Variants in NRXN3 observed in about 807,000 individuals in gnomAD.
NRXN3 encodes the protein neurexin III.
NRXN3 carries 32 observed loss-of-function variants against 137.6 expected under a neutral mutation model. The observed-to-expected ratio is 0.23, with a 90% confidence interval of 0.18 to 0.31. The LOEUF (loss-of-function observed/expected upper bound fraction) is 0.31. Ranked by LOEUF, NRXN3 falls within the 10% of genes least tolerant of loss-of-function variation. The pLI is 1.00. For synonymous variants in NRXN3, 798 were observed against 784.5 expected, an observed-to-expected ratio of 1.02 and a Z score of -0.29; for missense variants, 1,574 against 2,062.5, an observed-to-expected ratio of 0.76 and a Z score of 4.59.
At chr14:79,129,062 C>T (rs2057024911) in intron 15 of NRXN3, among the ~76,000 whole-genome samples, 2 of 152,242 alleles carry the variant, frequency 1.3e-5, no homozygotes, top group East Asian at 3.9e-4. Context: ...TTTGATTCTT[C>T]TCTCTTTTTT....
At chr14:79,056,540 G>C (rs1161138240) in intron 15 of NRXN3, among the ~76,000 whole-genome samples, 1 of 152,122 alleles carries the variant, frequency 6.6e-6, no homozygotes, top group East Asian at 1.9e-4. Context: ...TCCTGTCCGG[G>C]GTTCAGAGGA....
intron 19 of NRXN3, among the ~76,000 whole-genome samples, chr14:79,781,602 G>T (rs988474923): frequency 3.3e-5 from 5 of 152,208 alleles, no homozygotes; most frequent in Non-Finnish European, 5.9e-5. Flanking sequence ...GAAAGAACTT[G>T]ATCCTGTTTT....
At chr14:79,132,662 GTCT>G (rs2057706502) in intron 15 of NRXN3, among the ~76,000 whole-genome samples, 1 of 152,072 alleles carries the variant, frequency 6.6e-6, no homozygotes, top group East Asian at 1.9e-4. Context: ...ACTTTATTTG[GTCT>G]TCATCATATT....
intron 15 of NRXN3, among the ~76,000 whole-genome samples, chr14:79,371,751 T>C (rs769994660): frequency 1.2e-4 from 18 of 152,128 alleles, no homozygotes; most frequent in South Asian, 2.1e-4. Flanking sequence ...GGAAAATTCT[T>C]ATGCACCTTC....
chr14:79,080,947 T>C (rs115120918), intron 15 of NRXN3, among the ~76,000 whole-genome samples: 2 of 152,272 alleles, frequency 1.3e-5, no homozygotes, highest in African/African-American at 4.8e-5. Flanking sequence ...TTTATCTTCT[T>C]ATCCCTCCCC....
At chr14:78,880,165 G>A (rs1228106184) in intron 10 of NRXN3, among the ~76,000 whole-genome samples, 3 of 145,838 alleles carry the variant, frequency 2.1e-5, no homozygotes, top group Admixed American at 6.7e-5. Context: ...GCATGAACCC[G>A]GGAGGCGGAG....
chr14:78,864,223 C>T (rs1272105430), intron 10 of NRXN3, among the ~76,000 whole-genome samples: 1 of 152,098 alleles, frequency 6.6e-6, no homozygotes. Flanking sequence ...AGAAGAAGGA[C>T]ATGCCTGAAT....
chr14:78,535,322 T>C (rs962163330), intron 4 of NRXN3, among the ~76,000 whole-genome samples: 1 of 152,208 alleles, frequency 6.6e-6, no homozygotes, highest in African/African-American at 2.4e-5. Context: ...AGTTTCACTC[T>C]GGATTATGTG....
chr14:78,814,190 G>A (rs991178743), intron 10 of NRXN3, among the ~76,000 whole-genome samples: 5 of 152,106 alleles, frequency 3.3e-5, no homozygotes, highest in Admixed American at 1.3e-4. Context: ...TTCATCTGGC[G>A]GGAATGTATT....
chr14:79,296,930 C>T (rs2084266912), intron 15 of NRXN3, among the ~76,000 whole-genome samples: 1 of 152,224 alleles, frequency 6.6e-6, no homozygotes, highest in Non-Finnish European at 1.5e-5. Context: ...TAGCATAGCA[C>T]GTTTAGCCTC....
intron 15 of NRXN3, among the ~76,000 whole-genome samples, chr14:79,405,003 A>G (rs765324297): frequency 3.3e-5 from 5 of 152,138 alleles, no homozygotes; most frequent in Non-Finnish European, 4.4e-5. Context: ...AATCCATGCA[A>G]TGATCAAGTT....
chr14:79,652,345 T>C (rs1446604955), intron 16 of NRXN3, among the ~76,000 whole-genome samples: 1 of 152,126 alleles, frequency 6.6e-6, no homozygotes, highest in South Asian at 2.1e-4. Context: ...GCCCTTTAAA[T>C]GTCAAAAAAT....
intron 4 of NRXN3, among the ~76,000 whole-genome samples, chr14:78,320,770 C>T (rs751783947): frequency 2.0e-5 from 3 of 152,156 alleles, no homozygotes; most frequent in Non-Finnish European, 4.4e-5. Flanking sequence ...CTTTTGTTCC[C>T]ATTTCACTGA....
Position 79,646,450 on chromosome 14 carries a change from A to G in NRXN3, c.3445-17328A>G, listed in dbSNP as rs1277024336. 2.9e-5 allele frequency among the ~76,000 whole-genome samples: 4 copies of G among 135,882 alleles called. 1 individual carries two copies. The highest frequency in any genetic ancestry group is 6.8e-5 in the Non-Finnish European group (4 of 58,428). The allele number at this position is 135,882 out of a possible 152,430, so 89.1% of individuals were successfully genotyped here. A position where few individuals can be genotyped will look rare whatever the true frequency, so the allele number is the denominator to read the frequency against. On this transcript the variant is annotated intron_variant, in intron 16 of 20. Transcript: ENST00000335750. Reference sequence around the variant, plus strand: ...CTTCTAATGTTTTTTCTCACATGCCAATGTCCAAAAAGCTAAACCATCAGC... The same window carrying G: ...CTTCTAATGTTTTTTCTCACATGCCGATGTCCAAAAAGCTAAACCATCAGC...
At chr14:79,334,419 A>G (rs2092072978) in intron 15 of NRXN3, among the ~76,000 whole-genome samples, 2 of 152,174 alleles carry the variant, frequency 1.3e-5, no homozygotes, top group Admixed American at 1.3e-4. Flanking sequence ...CATGCTGAGG[A>G]AATAGCAGGT....
At chr14:78,586,797 T>A (rs2097068037) in intron 4 of NRXN3, among the ~76,000 whole-genome samples, 1 of 152,352 alleles carries the variant, frequency 6.6e-6, no homozygotes, top group East Asian at 1.9e-4. Context: ...ACAGTCTTTA[T>A]GGAAAGCTTT....
intron 16 of NRXN3, among the ~76,000 whole-genome samples, chr14:79,501,976 G>A (rs552249997): frequency 6.6e-6 from 1 of 152,296 alleles, no homozygotes; most frequent in Admixed American, 6.5e-5. Flanking sequence ...AGAGGCACAA[G>A]GCTAGATGTT....
At chr14:79,846,782 A>T (rs1300168056) in intron 20 of NRXN3, among the ~76,000 whole-genome samples, 2 of 152,172 alleles carry the variant, frequency 1.3e-5, no homozygotes, top group East Asian at 3.8e-4. Flanking sequence ...GGAAAGGGAT[A>T]GTGTCTTCTT....
At chr14:79,785,936 A>C (rs2099128082) in intron 19 of NRXN3, among the ~76,000 whole-genome samples, 1 of 151,686 alleles carries the variant, frequency 6.6e-6, no homozygotes, top group Non-Finnish European at 1.5e-5. Flanking sequence ...CACTGTGTCA[A>C]GACCTCCAAG....
Sources: allele counts gnomAD v4.1 joint callset (sites outside exome capture counted in the v4.1 genomes callset), GRCh38; gene constraint gnomAD v4.1.1; transcripts MANE v1.5; gene names NCBI Gene and HGNC (gene_info 2026-07-23, HGNC 2026-07-21).